Variants in TRPM1 observed in about 807,000 individuals in gnomAD.
TRPM1 encodes the protein TRPM1-203 APA Isoform, Intron 10.
In TRPM1, 113 loss-of-function variants were observed where a neutral mutation model predicts 149.4. That is an observed-to-expected ratio of 0.76 (90% confidence interval 0.65 to 0.88). TRPM1 has a LOEUF of 0.88. TRPM1 is among the 40% of genes least tolerant of loss of function. The pLI is 0.00. For missense variants in TRPM1, 1,976 were observed against 2,038.7 expected (o/e 0.97, Z 0.59); for synonymous variants, 741 against 759.5 (o/e 0.98, Z 0.40).
intron 1 of TRPM1, among the ~76,000 whole-genome samples, chr15:31,121,412 A>G (rs2035878000): frequency 6.6e-6 from 1 of 152,166 alleles, no homozygotes; most frequent in African/African-American, 2.4e-5. Flanking sequence ...TGAAAAGATC[A>G]ATAAAATTGG....
At chr15:31,096,277 G>C (rs1401652107) in intron 1 of TRPM1, among the ~76,000 whole-genome samples, 1 of 152,080 alleles carries the variant, frequency 6.6e-6, no homozygotes, top group African/African-American at 2.4e-5. Context: ...AAAACACAAG[G>C]ATCTGCTTTA....
At chr15:31,048,333 A>G (rs991333846) in intron 13 of TRPM1, among the ~76,000 whole-genome samples, 7 of 152,206 alleles carry the variant, frequency 4.6e-5, no homozygotes, top group East Asian at 1.9e-4. Flanking sequence ...GCCCTACTCT[A>G]TATAATTAAT....
At chr15:31,021,340 G>A (rs752409204) in intron 27 of TRPM1, among the ~76,000 whole-genome samples, 14 of 152,168 alleles carry the variant, frequency 9.2e-5, no homozygotes, top group Non-Finnish European at 1.6e-4. Context: ...TGGTCACATG[G>A]GAAGAGGATG....
intron 1 of TRPM1, among the ~76,000 whole-genome samples, chr15:31,140,333 C>T (rs969598129): frequency 5.9e-5 from 9 of 151,376 alleles, no homozygotes; most frequent in East Asian, 3.9e-4. Context: ...GAGCCGAGAT[C>T]GTGCCACTGC....
chr15:31,090,707 C>T (rs1308327358), intron 1 of TRPM1, among the ~76,000 whole-genome samples: 5 of 151,668 alleles, frequency 3.3e-5, no homozygotes, highest in African/African-American at 1.2e-4. Flanking sequence ...CTGAATGGTG[C>T]TGGAAAGCTT....
intron 3 of TRPM1, among the ~76,000 whole-genome samples, chr15:31,074,566 T>C (rs1380410279): frequency 7.2e-5 from 11 of 152,114 alleles, no homozygotes; most frequent in Non-Finnish European, 1.6e-4. Flanking sequence ...GTCATTTGAG[T>C]CTTATCTTTC....
intron 1 of TRPM1, among the ~76,000 whole-genome samples, chr15:31,098,070 GTGGCTAC>G (rs2035430752): frequency 6.6e-6 from 1 of 152,152 alleles, no homozygotes. Context: ...TCCTTTTTAA[GTGGCTAC>G]TACACAGTTT....
rs2031763997 is a variant in TRPM1 at position 31,001,598 on chromosome 15, C to T, written c.*224G>A. ...CTGATTAGCCAATTTATCTTCGTTA[C>T]AGTATCATCACTTTCATTTGATACT... On this transcript the variant is annotated 3_prime_UTR_variant, in exon 28 of 28. Transcript: ENST00000256552. 1 of 601,514 alleles carries T rather than the reference C, an allele frequency of 1.7e-6. No individual in the cohort carries two copies. Among genetic ancestry groups the T allele is most frequent in the African/African-American group, 1.9e-5 (1 of 53,964 alleles). 37.3% of individuals were successfully genotyped at this position (601,514 alleles called of 1,614,324 possible).
intron 17 of TRPM1, among the ~76,000 whole-genome samples, chr15:31,041,139 A>G (rs2033604085): frequency 6.6e-6 from 1 of 151,346 alleles, no homozygotes; most frequent in Non-Finnish European, 1.5e-5. Flanking sequence ...AATAACCATA[A>G]ACGTTCCAAG....
At chr15:31,049,790 C>A (rs1474995291) in intron 12 of TRPM1, among the ~76,000 whole-genome samples, 1 of 152,222 alleles carries the variant, frequency 6.6e-6, no homozygotes, top group African/African-American at 2.4e-5. Context: ...CATTGGCCTG[C>A]CCAGTCTCCA....
At chr15:31,135,727 A>G (rs76804263) in intron 1 of TRPM1, among the ~76,000 whole-genome samples, 3,835 of 152,126 alleles carry the variant, frequency 0.025, 177 homozygotes, top group African/African-American at 0.088. Flanking sequence ...TTTCTACAAC[A>G]GCGTATTGTG....
At chr15:31,063,392 C>A in intron 7 of TRPM1, 100 bp from the exon 8 acceptor site, 1 of 1,448,092 alleles carries the variant, frequency 6.9e-7, no homozygotes, top group South Asian at 1.1e-5. Flanking sequence ...AACATTACGA[C>A]TTGGGGGATG....
chr15:31,142,024 C>T (rs1347095126), intron 1 of TRPM1, among the ~76,000 whole-genome samples: 2 of 152,110 alleles, frequency 1.3e-5, no homozygotes, highest in African/African-American at 2.4e-5. Flanking sequence ...GGTTCAAGAC[C>T]AGCCCAGGCA....
chr15:31,141,474 C>A (rs1217586323), intron 1 of TRPM1, among the ~76,000 whole-genome samples: 1 of 151,938 alleles, frequency 6.6e-6, no homozygotes, highest in Non-Finnish European at 1.5e-5. Context: ...TAGAAGATGT[C>A]TCAAAATATG....
intron 1 of TRPM1, among the ~76,000 whole-genome samples, chr15:31,160,264 A>G (rs747674222): frequency 9.2e-5 from 14 of 152,262 alleles, no homozygotes; most frequent in Non-Finnish European, 1.3e-4. Context: ...ACCTAGGAAA[A>G]GCACACCTAA....
intron 11 of TRPM1, among the ~76,000 whole-genome samples, chr15:31,054,474 T>C (rs2034032138): frequency 6.6e-6 from 1 of 152,098 alleles, no homozygotes; most frequent in African/African-American, 2.4e-5. Context: ...TTTGTATTTT[T>C]AGTAGAGACG....
At chr15:31,102,611 C>T (rs2035538834), upstream of TRPM1, among the ~76,000 whole-genome samples, 1 of 152,240 alleles carries the variant, frequency 6.6e-6, no homozygotes, top group Admixed American at 6.5e-5. Flanking sequence ...TTGTCAAGTT[C>T]TGCCCATATG....
rs868781245 is a variant in TRPM1, at chr15:31,031,064, G to A, written c.3046C>T (p.Pro1016Ser). 6.2e-7 allele frequency: 1 copy of A among 1,614,120 alleles called. No homozygotes were observed. Residue 1016 changes from proline (P) to serine (S), a missense_variant, in exon 23 of 28, where the codon CCC (proline) becomes TCC (serine). Around this residue, in one of 3 missense-constraint regions of TRPM1, gnomAD observed 1,332 missense variants for 1,347.1 expected, o/e 0.99. Coordinates refer to ENST00000256552, the MANE Select transcript of TRPM1 (RefSeq NM_001252024.2). ...RQAILHPEEK[P>S]SWKLARNIFY... The stretch of plus-strand genomic sequence containing the variant: ...ATGTTTCGGGCCAGTTTCCAAGAGG[G>A]CTTCTCCTCTGGATGCAGAATGGCT...
chr15:31,160,903 C>T, intron 1 of TRPM1: 3 of 1,535,530 alleles, frequency 2.0e-6, no homozygotes, highest in Non-Finnish European at 1.7e-6. Flanking sequence ...AAAGCTCACT[C>T]ACCTTCTGCG....
Sources: gnomAD v4.1 joint callset for allele counts (sites outside exome capture counted in the v4.1 genomes callset) on GRCh38, gnomAD v4.1.1 for gene constraint, gnomAD v4.1.1 regional missense constraint, MANE v1.5 for transcripts, NCBI Gene and HGNC (gene_info 2026-07-23, HGNC 2026-07-21) for gene names.